Variants in RGS12 observed in about 807,000 individuals in gnomAD.
RGS12 encodes regulator of G-protein signaling 12.
In RGS12, 66 loss-of-function variants were observed where a neutral mutation model predicts 120.1. That is an observed-to-expected ratio of 0.55 (90% CI 0.45 to 0.67). The LOEUF is 0.67. RGS12 is among the 30% of genes least tolerant of loss of function. RGS12 has a pLI of 0.00. For synonymous variants in RGS12, 827 were observed against 804.7 expected, an observed-to-expected ratio of 1.03 and a Z score of -0.47; for missense variants, 1,859 against 1,957.7, an observed-to-expected ratio of 0.95 and a Z score of 0.95.
At chr4:3,299,430 CT>C (rs1446895843) in intron 1 of RGS12, among the ~76,000 whole-genome samples, 1 of 152,128 alleles carries the variant, frequency 6.6e-6, no homozygotes, top group African/African-American at 2.4e-5. Flanking sequence ...CAGCTCTCTC[CT>C]TTCAGGGGAC....
At chr4:3,431,741 C>T (rs182833584) in intron 17 of RGS12, 11 of 985,616 alleles carry the variant, frequency 1.1e-5, no homozygotes, top group Middle Eastern at 5.2e-4. Context: ...TCAGGGTGCG[C>T]GTCATGGAGT....
In RGS12 at chr4:3,416,357, A is replaced by G. The variant is rs17190954; in HGVS notation, c.2427+236A>G. 0.1 allele frequency among the ~76,000 whole-genome samples: 15,520 copies of G among 152,264 alleles called. 917 individuals carry two copies. Among genetic ancestry groups the G allele is most frequent in the East Asian group, 0.28 (1,450 of 5,172 alleles). ...CCGAACCACTGCGTGTCTGTCTGCA[A>G]TGAGCCGGCTGTTCACGCTGGCTCA... On this transcript the variant is annotated intron_variant, in intron 7 of 17. Coordinates refer to ENST00000336727, the MANE Select transcript of RGS12 (RefSeq NM_001394154.1).
chr4:3,330,953 T>G (rs1711768610), intron 2 of RGS12, among the ~76,000 whole-genome samples: 2 of 152,220 alleles, frequency 1.3e-5, no homozygotes, highest in Admixed American at 1.3e-4. Context: ...GACTTAGTCA[T>G]GTAGCTTTGC....
At position 3,425,523 on chromosome 4, in the gene RGS12, G is replaced by T; in HGVS notation, c.3294G>T (p.Arg1098=). 6.2e-7 allele frequency: 1 copy of T among 1,611,794 alleles called. No homozygotes were observed. The highest frequency in any genetic ancestry group is 1.1e-5 in the South Asian group (1 of 90,902). The change falls in exon 14 of 18, where the codon CGG becomes CGT. Residue 1098 remains arginine, a synonymous_variant. Coordinates refer to ENST00000336727, the MANE Select transcript of RGS12 (RefSeq NM_001394154.1). ...GAPISSLDGQ[R]VVLEEKDPSR... ...CTATATCGAGTCTGGACGGACAGCG[G>T]GTTGTCTTGGAGGAGAAGGATCCTT...
At chr4:3,434,902 C>G (rs1724663206) in intron 17 of RGS12, among the ~76,000 whole-genome samples, 1 of 152,276 alleles carries the variant, frequency 6.6e-6, no homozygotes, top group South Asian at 2.1e-4. Context: ...GTGGCTCCTC[C>G]CAGCCCCTTT....
rs747380453 is a variant in RGS12, at chr4:3,316,489, A to G, written c.319A>G (p.Ser107Gly). The G allele has an allele frequency of 4.3e-6, 7 of 1,614,174 alleles. No homozygotes were observed. In the South Asian group the frequency reaches 7.7e-5, roughly 18 times the overall value. Residue 107 changes from serine (S) to glycine (G), a missense_variant, in exon 2 of 18, where the codon AGT (serine) becomes GGT (glycine). Transcript: ENST00000336727. ...EGVGRFESCS[S>G]DEEGGLYEGK... ...CGTCGGCCGCTTCGAATCCTGTTCC[A>G]GTGATGAAGAAGGGGGACTCTATGA...
intron 9 of RGS12, chr4:3,418,565 G>A (rs2109133859): frequency 6.6e-6 from 1 of 152,474 alleles, no homozygotes; most frequent in East Asian, 1.9e-4. Flanking sequence ...TCCTGTGTGT[G>A]CCCTGCAGTG....
At chr4:3,336,153 TC>T (rs1259795623) in intron 2 of RGS12, among the ~76,000 whole-genome samples, 18 of 152,112 alleles carry the variant, frequency 1.2e-4, no homozygotes, top group Admixed American at 1.2e-3. Flanking sequence ...CCATGTCCTG[TC>T]CCTCGGTGGT....
At chr4:3,387,639 C>T (rs1462697755) in intron 4 of RGS12, among the ~76,000 whole-genome samples, 1 of 152,174 alleles carries the variant, frequency 6.6e-6, no homozygotes, top group Non-Finnish European at 1.5e-5. Flanking sequence ...GTCATTTAAT[C>T]AGTCTTAAGG....
intron 4 of RGS12, among the ~76,000 whole-genome samples, chr4:3,391,645 C>T (rs1719511499): frequency 6.6e-6 from 1 of 152,250 alleles, no homozygotes; most frequent in Admixed American, 6.5e-5. Context: ...GAACTCCTCT[C>T]ATGCAACCCT....
At position 3,417,465 on chromosome 4, in the gene RGS12, C is replaced by T. The variant is rs752456909; in HGVS notation, c.2685C>T (p.Gly895=). 4 of 1,613,034 alleles carry T rather than the reference C, an allele frequency of 2.5e-6. No individual in the cohort carries two copies. The highest frequency in any genetic ancestry group is 2.5e-6 in the Non-Finnish European group (3 of 1,179,588). ...AGGACAGCGAGAAGAAGCGGAAAGG[C>T]GCGTTTTTCTCGTGGTCGCGGACCA... is the stretch of plus-strand genomic sequence containing the variant. ...GDEDSEKKRK[G]AFFSWSRTRS... The change falls in exon 9 of 18, where the codon GGC becomes GGT. Residue 895 remains glycine, a synonymous_variant. Coordinates refer to ENST00000336727, the MANE Select transcript of RGS12 (RefSeq NM_001394154.1).
intron 17 of RGS12, among the ~76,000 whole-genome samples, chr4:3,432,626 C>G (rs1439680096): frequency 6.6e-6 from 1 of 152,238 alleles, no homozygotes; most frequent in Non-Finnish European, 1.5e-5. Context: ...CAGCTGAGCG[C>G]CCCGGCTGAC....
At chr4:3,382,087 A>T (rs1718319804) in intron 3 of RGS12, among the ~76,000 whole-genome samples, 1 of 152,148 alleles carries the variant, frequency 6.6e-6, no homozygotes, top group Non-Finnish European at 1.5e-5. Flanking sequence ...AGCTTTGGAT[A>T]TTGTTCCTTT....
chr4:3,287,610 CTTAA>C, the RGS12 span, among the ~76,000 whole-genome samples: 8 of 152,270 alleles, frequency 5.3e-5, no homozygotes, highest in Admixed American at 4.6e-4. Flanking sequence ...ATATGGTCTA[CTTAA>C]TTAATGCATA....
At position 3,316,194 on chromosome 4, in the gene RGS12, C is replaced by T; in HGVS notation, c.24C>T (p.Ser8=). The change falls in exon 2 of 18, where the codon TCC becomes TCT. Residue 8 remains serine (S), a synonymous_variant. Coordinates refer to ENST00000336727, the MANE Select transcript of RGS12 (RefSeq NM_001394154.1). MFRAGEA[S]KRPLPGPSPP... ...GAATGTTTAGAGCTGGGGAGGCCTC[C>T]AAACGCCCATTGCCTGGGCCGTCGC... is the stretch of plus-strand genomic sequence containing the variant. 6.3e-7 allele frequency: 1 copy of T among 1,579,128 alleles called. No homozygotes were observed. Among genetic ancestry groups the T allele is most frequent in the Non-Finnish European group, 8.6e-7 (1 of 1,161,386 alleles).
intron 1 of RGS12, among the ~76,000 whole-genome samples, chr4:3,297,629 T>G (rs1723455402): frequency 6.6e-6 from 1 of 152,194 alleles, no homozygotes; most frequent in African/African-American, 2.4e-5. Flanking sequence ...CCCTGTGGAT[T>G]AGCATCTTCT....
upstream of RGS12, among the ~76,000 whole-genome samples, chr4:3,288,222 G>T (rs2110335907): frequency 6.6e-6 from 1 of 152,244 alleles, no homozygotes; most frequent in South Asian, 2.1e-4. This position sits in a 1 kb window ranked among gnomAD's most constrained non-coding sequence, Gnocchi z 5.2. Flanking sequence ...GTGGGCGTGT[G>T]GGAGGGCTGG....
Position 3,297,965 on chromosome 4 carries a change from T to C in RGS12, c.-102+4866T>C, listed in dbSNP as rs140239525. On this transcript the variant is annotated intron_variant, in intron 1 of 17. Coordinates refer to ENST00000336727, the MANE Select transcript of RGS12 (RefSeq NM_001394154.1). ...TTTATTTTACTCTCCAATTACCTTT[T>C]AACTTAGCTGGGTATAAAATTTTAG... Among the ~76,000 whole-genome samples the C allele has an allele frequency of 2.0e-3, 302 of 152,368 alleles. 1 individual carries two copies. Among genetic ancestry groups the C allele is most frequent in the African/African-American group, 7.1e-3 (295 of 41,592 alleles).
intron 15 of RGS12, 82 bp downstream of exon 15, chr4:3,428,251 C>T: frequency 8.1e-7 from 1 of 1,237,856 alleles, no homozygotes; most frequent in South Asian, 1.2e-5. Flanking sequence ...CCTGGTGCTT[C>T]CTTACCGCCT....
Sources: gnomAD v4.1 joint callset for allele counts (sites outside exome capture counted in the v4.1 genomes callset) on GRCh38, gnomAD v4.1.1 for gene constraint, Gnocchi (gnomAD v3.1) non-coding constraint, MANE v1.5 for transcripts, NCBI Gene and HGNC (gene_info 2026-07-23, HGNC 2026-07-21) for gene names.